Variants in BFSP1 observed in about 807,000 individuals in gnomAD.
The protein encoded by BFSP1 is filensin.
In BFSP1, 38 loss-of-function variants were observed where a neutral mutation model predicts 43.9. That is an observed-to-expected ratio of 0.87 (90% CI 0.67 to 1.14). The LOEUF is 1.14. Ranked by LOEUF, BFSP1 falls within the 50% of genes most tolerant of loss-of-function variation. The probability of loss-of-function intolerance (pLI) is 0.00; values close to 1 mark genes in which losing one functional copy is unlikely to be tolerated. For synonymous variants in BFSP1, 352 were observed against 354.8 expected (o/e 0.99, Z 0.09); for missense variants, 850 against 875.1 (o/e 0.97, Z 0.36).
chr20:17,503,295 A>G (rs201806563), intron 5 of BFSP1, among the ~76,000 whole-genome samples: 2 of 152,206 alleles, frequency 1.3e-5, no homozygotes. Flanking sequence ...CTCCCAAAGT[A>G]CTAGGATTAC....
intron 5 of BFSP1, among the ~76,000 whole-genome samples, chr20:17,504,851 G>A (rs901349487): frequency 2.6e-5 from 4 of 152,120 alleles, no homozygotes; most frequent in Non-Finnish European, 5.9e-5. Flanking sequence ...GCCCCATCTG[G>A]AGGGGTGAGC....
At chr20:17,565,066 A>G (rs1334649937) in intron 1 of BFSP1, among the ~76,000 whole-genome samples, 1 of 152,068 alleles carries the variant, frequency 6.6e-6, no homozygotes, top group Non-Finnish European at 1.5e-5. Context: ...GTAAGAAAAA[A>G]AAAATGACCA....
intron 1 of BFSP1, among the ~76,000 whole-genome samples, chr20:17,543,526 G>T (rs746335993): frequency 6.6e-6 from 1 of 151,920 alleles, no homozygotes; most frequent in Non-Finnish European, 1.5e-5. Flanking sequence ...AGAGCTAGGA[G>T]AAAATAAAAC....
chr20:17,535,857 AGAG>A (rs2034620491), upstream of BFSP1, among the ~76,000 whole-genome samples: 1 of 152,232 alleles, frequency 6.6e-6, no homozygotes, highest in Non-Finnish European at 1.5e-5. Flanking sequence ...AGAGGTGCAG[AGAG>A]GAGAATGGCT....
At chr20:17,546,720 A>C (rs912855101) in intron 1 of BFSP1, among the ~76,000 whole-genome samples, 5 of 151,706 alleles carry the variant, frequency 3.3e-5, no homozygotes, top group South Asian at 2.1e-4. Flanking sequence ...AAAAAAAACA[A>C]AGAAGAAAGC....
chr20:17,526,792 A>G (rs1297133685), intron 1 of BFSP1, among the ~76,000 whole-genome samples: 1 of 152,246 alleles, frequency 6.6e-6, no homozygotes, highest in Non-Finnish European at 1.5e-5. Context: ...TCAACAGTCC[A>G]TAATTTCTCC....
chr20:17,516,987 C>G, intron 2 of BFSP1: 1 of 761,282 alleles, frequency 1.3e-6, no homozygotes, highest in Non-Finnish European at 2.4e-6. Flanking sequence ...TGCTAGCAAG[C>G]AACTGGAGGA....
Position 17,503,859 on chromosome 20 carries a change from C to T in BFSP1, c.736-4819G>A, listed in dbSNP as rs115555175. Among the ~76,000 whole-genome samples the T allele has an allele frequency of 4.0e-3, 603 of 152,312 alleles. 4 individuals are homozygous for T. The highest frequency in any genetic ancestry group is 0.013 in the African/African-American group (543 of 41,576). Reference sequence around the variant, plus strand: ...AAAGTCAGTGTGAGCCATGCAGAGACCTCTCCTTGCAGGTTTTCACTTAGC... The same window carrying T: ...AAAGTCAGTGTGAGCCATGCAGAGATCTCTCCTTGCAGGTTTTCACTTAGC... On this transcript the variant is annotated intron_variant, in intron 5 of 7. Transcript: ENST00000377873.
At chr20:17,537,066 ACT>A (rs749712836) in intron 1 of BFSP1, among the ~76,000 whole-genome samples, 1 of 152,022 alleles carries the variant, frequency 6.6e-6, no homozygotes, top group Admixed American at 6.6e-5. Context: ...TAACACTCTG[ACT>A]CTGCACCTTT....
At chr20:17,520,210 G>GCCCCCCCCCCCCCC (rs138070825) in intron 2 of BFSP1, among the ~76,000 whole-genome samples, 199 of 133,364 alleles carry the variant, frequency 1.5e-3, no homozygotes, top group Middle Eastern at 3.8e-3. Flanking sequence ...GTTTTAACGT[G>GCCCCCCCCCCCCCC]CCCCCCCACC....
intron 1 of BFSP1, among the ~76,000 whole-genome samples, chr20:17,546,813 C>G (rs1472265764): frequency 6.6e-6 from 1 of 151,892 alleles, no homozygotes; most frequent in Non-Finnish European, 1.5e-5. Context: ...ATCTCGAGGT[C>G]AGGAGTTCGA....
intron 5 of BFSP1, among the ~76,000 whole-genome samples, chr20:17,504,426 C>T (rs941788305): frequency 6.6e-6 from 1 of 152,160 alleles, no homozygotes; most frequent in African/African-American, 2.4e-5. Flanking sequence ...CACTGTGGCA[C>T]GGCGTCCACT....
At chr20:17,529,479 C>T (rs894637134) in intron 1 of BFSP1, among the ~76,000 whole-genome samples, 2 of 151,660 alleles carry the variant, frequency 1.3e-5, no homozygotes, top group African/African-American at 4.8e-5. Context: ...TTATCTCCCT[C>T]AGGTAGCCAG....
intron 1 of BFSP1, among the ~76,000 whole-genome samples, chr20:17,544,422 G>A (rs968833901): frequency 9.9e-5 from 15 of 152,264 alleles, no homozygotes; most frequent in African/African-American, 3.1e-4. Context: ...GAGGGGGTAC[G>A]GGGGTGCAGC....
At chr20:17,505,962 C>T (rs2033927543) in intron 5 of BFSP1, among the ~76,000 whole-genome samples, 1 of 152,218 alleles carries the variant, frequency 6.6e-6, no homozygotes, top group Non-Finnish European at 1.5e-5. Flanking sequence ...AGGGACTTTG[C>T]AGATATAATT....
intron 1 of BFSP1, among the ~76,000 whole-genome samples, chr20:17,564,105 G>A (rs2035093726): frequency 6.6e-6 from 1 of 152,000 alleles, no homozygotes; most frequent in African/African-American, 2.4e-5. Flanking sequence ...GGCGGAGGCA[G>A]GAGGATCACT....
chr20:17,498,083 C>T (rs1043045128), intron 6 of BFSP1, among the ~76,000 whole-genome samples: 8 of 152,158 alleles, frequency 5.3e-5, no homozygotes, highest in African/African-American at 1.9e-4. Context: ...GAGAGAGCAC[C>T]CAGCGCGAAG....
At chr20:17,508,790 C>T (rs1312734180) in intron 5 of BFSP1, 99 bp downstream of exon 5, 6 of 1,125,302 alleles carry the variant, frequency 5.3e-6, no homozygotes, top group South Asian at 3.5e-5. Context: ...ATATGTTCAG[C>T]GTGTGACAGC....
chr20:17,505,134 C>G (rs1052593756), intron 5 of BFSP1, among the ~76,000 whole-genome samples: 1 of 152,176 alleles, frequency 6.6e-6, no homozygotes, highest in Non-Finnish European at 1.5e-5. Flanking sequence ...ATTACCTGTC[C>G]TTTCCTCTCC....
Sources: gnomAD v4.1 joint callset for allele counts (sites outside exome capture counted in the v4.1 genomes callset) on GRCh38, gnomAD v4.1.1 for gene constraint, MANE v1.5 for transcripts, NCBI Gene and HGNC (gene_info 2026-07-23, HGNC 2026-07-21) for gene names.